The following USH2A variants were observed in gnomAD, a reference collection of about 807,000 sequenced individuals.
The protein encoded by USH2A is usherin.
USH2A carries 443 observed loss-of-function variants against 538.9 expected under a neutral mutation model. That is an observed-to-expected ratio of 0.82 (90% confidence interval 0.76 to 0.89). The LOEUF is 0.89. Ranked by LOEUF, USH2A falls within the 40% of genes least tolerant of loss-of-function variation. The pLI is 0.00. For missense variants in USH2A, 6,633 were observed against 6,324.8 expected (o/e 1.05, Z -1.65); for synonymous variants, 2,413 against 2,273.5 (o/e 1.06, Z -1.75).
At chr1:216,098,679 G>A (rs980864686) in intron 21 of USH2A, among the ~76,000 whole-genome samples, 12 of 152,048 alleles carry the variant, frequency 7.9e-5, no homozygotes, top group Non-Finnish European at 1.5e-4. Flanking sequence ...ATAGTACTCC[G>A]ATACACAGCA....
chr1:215,738,503 G>C (rs1660214713), intron 60 of USH2A, among the ~76,000 whole-genome samples: 2 of 151,968 alleles, frequency 1.3e-5, no homozygotes, highest in African/African-American at 4.8e-5. Context: ...ATCTTTAATA[G>C]GGCAGACGCT....
chr1:215,870,111 T>TG (rs1664584299), intron 43 of USH2A, among the ~76,000 whole-genome samples: 1 of 151,806 alleles, frequency 6.6e-6, no homozygotes, highest in Non-Finnish European at 1.5e-5. Flanking sequence ...AACTAGTTAA[T>TG]GGGGTAGCTG....
chr1:216,285,982 G>T (rs545665587), intron 11 of USH2A, among the ~76,000 whole-genome samples: 1 of 152,234 alleles, frequency 6.6e-6, no homozygotes, highest in African/African-American at 2.4e-5. Flanking sequence ...GCTTTTACAG[G>T]CTTGTAGGCA....
intron 33 of USH2A, 70 bp from the exon 34 acceptor site, chr1:215,999,128 A>T: frequency 1.6e-6 from 2 of 1,280,142 alleles, no homozygotes; most frequent in Non-Finnish European, 2.2e-6. Flanking sequence ...TTTTCAAAGG[A>T]CACATTTGAA....
At chr1:215,914,724 C>T (rs1307518474) in intron 38 of USH2A, among the ~76,000 whole-genome samples, 1 of 152,128 alleles carries the variant, frequency 6.6e-6, no homozygotes, top group Non-Finnish European at 1.5e-5. Flanking sequence ...ACAATGGTGG[C>T]CAGGGCCTTC....
At chr1:215,832,144 T>TA (rs1368292397) in intron 47 of USH2A, among the ~76,000 whole-genome samples, 16 of 151,856 alleles carry the variant, frequency 1.1e-4, no homozygotes, top group Admixed American at 6.6e-5. Context: ...AATTCCAAGT[T>TA]AAAAAACCTT....
At chr1:215,629,337 G>A (rs1656180968) in intron 70 of USH2A, among the ~76,000 whole-genome samples, 1 of 152,102 alleles carries the variant, frequency 6.6e-6, no homozygotes, top group African/African-American at 2.4e-5. Context: ...GTTCCCTGTG[G>A]GGCAAGGGCT....
At chr1:216,147,348 G>A (rs1335420188) in intron 21 of USH2A, among the ~76,000 whole-genome samples, 10 of 152,074 alleles carry the variant, frequency 6.6e-5, no homozygotes, top group Non-Finnish European at 1.3e-4. Flanking sequence ...TCCGTGACTA[G>A]CCCTCCCCCA....
At chr1:216,059,338 G>A (rs896924874) in intron 30 of USH2A, among the ~76,000 whole-genome samples, 5 of 152,056 alleles carry the variant, frequency 3.3e-5, no homozygotes, top group African/African-American at 9.7e-5. Context: ...TAGTACATTT[G>A]GTTTTGTGTA....
chr1:215,721,625 G>T (rs1659661935), intron 61 of USH2A, among the ~76,000 whole-genome samples: 1 of 152,068 alleles, frequency 6.6e-6, no homozygotes, highest in African/African-American at 2.4e-5. Flanking sequence ...GCAAAAGGTA[G>T]ATTCTTTATA....
Position 216,250,891 on chromosome 1 carries a change from C to T in USH2A, c.2167+12G>A, listed in dbSNP as rs768394835. On this transcript the variant is annotated intron_variant, in intron 12 of 71. Coordinates refer to ENST00000307340, the MANE Select transcript of USH2A (RefSeq NM_206933.4). The stretch of plus-strand genomic sequence containing the variant: ...ATAGAGATGTGACTGTAAACTTTTG[C>T]GTTACACGTACCAATAACGTTTGCT... 41 of 1,613,208 alleles carry T rather than the reference C, an allele frequency of 2.5e-5. No homozygotes were observed. The highest frequency in any genetic ancestry group is 1.3e-4 in the African/African-American group (10 of 74,890).
chr1:216,246,691 C>T lies in USH2A; in HGVS notation c.2703G>A (p.Glu901=). 1.2e-6 allele frequency: 2 copies of T among 1,614,128 alleles called. No individual in the cohort carries two copies. Among genetic ancestry groups the T allele is most frequent in the Non-Finnish European group, 1.7e-6 (2 of 1,179,984 alleles). ...CAGGTAATGTCCCCAAGGAATCACA[C>T]TCACACATCTGGCAGTGTTGAAAAT... The part of the protein sequence containing the change: ...IDNFQHCQMC[E]CDSLGTLPGT... The change falls in exon 13 of 72, where the codon GAG becomes GAA. Residue 901 remains glutamate, a synonymous_variant. Transcript: ENST00000307340.
intron 9 of USH2A, among the ~76,000 whole-genome samples, chr1:216,307,335 C>T (rs1385724220): frequency 6.6e-6 from 1 of 152,026 alleles, no homozygotes; most frequent in Non-Finnish European, 1.5e-5. Flanking sequence ...TACAGGTCAC[C>T]AGGAAAGTAG....
intron 70 of USH2A, among the ~76,000 whole-genome samples, chr1:215,633,690 G>A (rs1471366679): frequency 2.6e-5 from 4 of 152,266 alleles, no homozygotes; most frequent in Non-Finnish European, 2.9e-5. Flanking sequence ...GTAGCCCTGT[G>A]GGCGCCCAGC....
At chr1:215,719,111 A>G (rs564914861) in intron 61 of USH2A, among the ~76,000 whole-genome samples, 1 of 152,300 alleles carries the variant, frequency 6.6e-6, no homozygotes, top group African/African-American at 2.4e-5. Context: ...CCAATTTGGC[A>G]GAATCCATTT....
At chr1:216,334,070 T>C (rs979489445) in intron 4 of USH2A, among the ~76,000 whole-genome samples, 2 of 152,070 alleles carry the variant, frequency 1.3e-5, no homozygotes, top group African/African-American at 4.8e-5. Flanking sequence ...AAAAAGATTA[T>C]AAATGTATTT....
intron 49 of USH2A, among the ~76,000 whole-genome samples, chr1:215,809,199 A>G (rs1472921588): frequency 6.6e-6 from 1 of 152,156 alleles, no homozygotes; most frequent in East Asian, 1.9e-4. Context: ...CTTCACAGTC[A>G]AAGAACATAA....
chr1:216,004,570 A>C (rs1199702347), intron 32 of USH2A, among the ~76,000 whole-genome samples: 2 of 152,202 alleles, frequency 1.3e-5, no homozygotes, highest in African/African-American at 4.8e-5. Flanking sequence ...GTGGGCTTAT[A>C]AGGAAATAGA....
At chr1:216,299,436 C>T (rs973283586) in intron 9 of USH2A, among the ~76,000 whole-genome samples, 1 of 151,960 alleles carries the variant, frequency 6.6e-6, no homozygotes, top group African/African-American at 2.4e-5. Context: ...AAGATAGAGA[C>T]AGATGAGACA....
Sources: gnomAD v4.1 joint callset for allele counts (sites outside exome capture counted in the v4.1 genomes callset) on GRCh38, gnomAD v4.1.1 for gene constraint, MANE v1.5 for transcripts, NCBI Gene and HGNC (gene_info 2026-07-23, HGNC 2026-07-21) for gene names.